Variants in PDE11A observed in about 807,000 individuals in gnomAD.
PDE11A encodes the protein phosphodiesterase 11A.
Under a neutral mutation model 100.5 loss-of-function variants are expected in PDE11A, and 100 were observed. The ratio of observed to expected loss-of-function variants is 1.00; its 90% CI spans 0.85 to 1.18. The LOEUF (loss-of-function observed/expected upper bound fraction) is 1.18. Among genes scored for constraint, PDE11A ranks in the 50% most tolerant of loss-of-function variants. The probability of loss-of-function intolerance (pLI) is 0.00; values close to 1 mark genes in which losing one functional copy is unlikely to be tolerated. For synonymous variants in PDE11A, 381 were observed against 420.8 expected (o/e 0.91, Z 1.16); for missense variants, 1,141 against 1,152.6 (o/e 0.99, Z 0.15).
chr2:177,892,173 C>T (rs185233519), intron 4 of PDE11A, among the ~76,000 whole-genome samples: 9 of 152,162 alleles, frequency 5.9e-5, no homozygotes, highest in African/African-American at 1.9e-4. Flanking sequence ...ATATTGGCTC[C>T]CTCATACATT....
At chr2:177,674,318 G>A (rs1206192241) in intron 17 of PDE11A, among the ~76,000 whole-genome samples, 1 of 152,212 alleles carries the variant, frequency 6.6e-6, no homozygotes, top group Admixed American at 6.5e-5. Context: ...AGTGTATTCT[G>A]TCATAGTTCT....
chr2:178,021,763 G>A (rs935684422), intron 1 of PDE11A, among the ~76,000 whole-genome samples: 4 of 152,170 alleles, frequency 2.6e-5, no homozygotes, highest in Non-Finnish European at 5.9e-5. Context: ...GATACCCACA[G>A]GATCAATAGG....
At chr2:177,991,176 T>G (rs1052638656) in intron 2 of PDE11A, among the ~76,000 whole-genome samples, 1 of 147,830 alleles carries the variant, frequency 6.8e-6, no homozygotes, top group African/African-American at 2.5e-5. Flanking sequence ...AATACAAAAA[T>G]TAGCTGGGTG....
intron 5 of PDE11A, among the ~76,000 whole-genome samples, chr2:177,868,198 C>T (rs1008449405): frequency 2.0e-5 from 3 of 152,094 alleles, no homozygotes; most frequent in African/African-American, 7.2e-5. Context: ...CTAAAAAATG[C>T]AATGCACAAA....
In PDE11A at chr2:178,058,657, C is replaced by T. The variant is rs2086929119; in HGVS notation, c.912+12869G>A. On this transcript the variant is annotated intron_variant, in intron 1 of 19. Coordinates refer to ENST00000286063, the MANE Select transcript of PDE11A (RefSeq NM_016953.4). ...CCTCATTTATTCATGTAACATATAA[C>T]ATTTTTATTGAGTATCTACCTACTA... 2.6e-5 allele frequency among the ~76,000 whole-genome samples: 4 copies of T among 152,112 alleles called. No individual in the cohort carries two copies. In the South Asian group the frequency reaches 8.3e-4, roughly 32 times the overall value.
At chr2:178,044,722 G>C (rs1349251468) in intron 1 of PDE11A, among the ~76,000 whole-genome samples, 1 of 152,076 alleles carries the variant, frequency 6.6e-6, no homozygotes, top group African/African-American at 2.4e-5. Flanking sequence ...GGATTAATTA[G>C]GTAGTATGTG....
intron 15 of PDE11A, chr2:177,683,487 C>G (rs137992774): frequency 1.3e-5 from 2 of 152,362 alleles, no homozygotes; most frequent in African/African-American, 4.8e-5. Context: ...ACGAGCTCCC[C>G]GGAGAATCTC....
intron 2 of PDE11A, among the ~76,000 whole-genome samples, chr2:177,962,714 G>T (rs1387594156): frequency 6.6e-6 from 1 of 152,076 alleles, no homozygotes; most frequent in Non-Finnish European, 1.5e-5. Context: ...CATTTGAACA[G>T]CAAATCCTAA....
intron 9 of PDE11A, among the ~76,000 whole-genome samples, chr2:177,774,366 A>G (rs2082351073): frequency 6.6e-6 from 1 of 152,196 alleles, no homozygotes; most frequent in African/African-American, 2.4e-5. Context: ...CCACTGGAAC[A>G]GCTCGTGTCA....
At chr2:177,672,821 T>C (rs140418396) in intron 17 of PDE11A, among the ~76,000 whole-genome samples, 134 of 152,288 alleles carry the variant, frequency 8.8e-4, no homozygotes, top group African/African-American at 2.9e-3. Flanking sequence ...TTCCAAACTA[T>C]GAAAATGAAA....
At chr2:177,860,524 A>G (rs2083927754) in intron 5 of PDE11A, among the ~76,000 whole-genome samples, 1 of 151,840 alleles carries the variant, frequency 6.6e-6, no homozygotes, top group African/African-American at 2.4e-5. Context: ...CAAATGTTTA[A>G]AGAAGACTCT....
chr2:177,695,524 A>T (rs1317149893), intron 15 of PDE11A, among the ~76,000 whole-genome samples: 5 of 152,032 alleles, frequency 3.3e-5, no homozygotes, highest in African/African-American at 1.2e-4. Context: ...TGGCTTATAG[A>T]CTCCTAGCTT....
intron 2 of PDE11A, among the ~76,000 whole-genome samples, chr2:177,933,374 A>G (rs2085233182): frequency 1.3e-5 from 2 of 152,172 alleles, no homozygotes; most frequent in Admixed American, 1.3e-4. Flanking sequence ...AGCCAAAGCA[A>G]TCCTAAGCAA....
intron 4 of PDE11A, among the ~76,000 whole-genome samples, chr2:177,895,922 TTATC>T (rs2084605658): frequency 6.6e-6 from 1 of 152,086 alleles, no homozygotes; most frequent in African/African-American, 2.4e-5. Flanking sequence ...AAATTATTAT[TTATC>T]AATTAAAATT....
intron 5 of PDE11A, among the ~76,000 whole-genome samples, chr2:177,846,269 G>T (rs2083601207): frequency 6.6e-6 from 1 of 152,172 alleles, no homozygotes; most frequent in South Asian, 2.1e-4. Context: ...TTGGTAAAAT[G>T]GGTATAATAC....
At chr2:178,031,523 G>A (rs2086547439) in intron 1 of PDE11A, among the ~76,000 whole-genome samples, 2 of 151,756 alleles carry the variant, frequency 1.3e-5, no homozygotes, top group East Asian at 3.9e-4. Context: ...CACAAGAATT[G>A]ACTAAAAATA....
At chr2:178,048,502 T>A (rs2086781872) in intron 1 of PDE11A, among the ~76,000 whole-genome samples, 1 of 152,134 alleles carries the variant, frequency 6.6e-6, no homozygotes, top group African/African-American at 2.4e-5. Context: ...CATTCCTTGG[T>A]CCTCCTCAGA....
chr2:177,848,571 C>T (rs987575448), intron 5 of PDE11A, among the ~76,000 whole-genome samples: 1 of 152,172 alleles, frequency 6.6e-6, no homozygotes, highest in Non-Finnish European at 1.5e-5. Context: ...ATCTTGCTTC[C>T]AAATGTGAGA....
intron 1 of PDE11A, among the ~76,000 whole-genome samples, chr2:178,057,478 T>C (rs1020436884): frequency 1.1e-4 from 17 of 152,304 alleles, no homozygotes; most frequent in Non-Finnish European, 5.9e-5. Flanking sequence ...CACCCTTACA[T>C]CAGAGAGTTC....
Sources: gnomAD v4.1 joint callset for allele counts (sites outside exome capture counted in the v4.1 genomes callset) on GRCh38, gnomAD v4.1.1 for gene constraint, MANE v1.5 for transcripts, NCBI Gene and HGNC (gene_info 2026-07-23, HGNC 2026-07-21) for gene names.